The following KCNG3 variants were observed in gnomAD, a reference collection of about 807,000 sequenced individuals.
KCNG3 encodes the protein potassium voltage-gated channel modifier subfamily G member 3.
In KCNG3, 15 loss-of-function variants were observed where a neutral mutation model predicts 29.0. That is an observed-to-expected ratio of 0.52 (90% confidence interval 0.35 to 0.80). KCNG3 has a LOEUF of 0.80. KCNG3 is among the 30% of genes least tolerant of loss of function. KCNG3 has a pLI of 0.01. For missense variants in KCNG3, 512 were observed against 605.7 expected (o/e 0.85, Z 1.62); for synonymous variants, 322 against 248.9 (o/e 1.29, Z -2.76).
the KCNG3 span, among the ~76,000 whole-genome samples, chr2:42,423,780 G>A: frequency 2.7e-5 from 4 of 146,332 alleles, no homozygotes; most frequent in African/African-American, 7.7e-5. Flanking sequence ...CTAGAGCCTC[G>A]CACAGTCGGA....
chr2:42,480,051 C>G (rs892837616), intron 1 of KCNG3, among the ~76,000 whole-genome samples: 3 of 152,102 alleles, frequency 2.0e-5, no homozygotes, highest in Admixed American at 2.0e-4. Context: ...CAAAAACACA[C>G]ACAGATAGTA....
chr2:42,480,428 T>C (rs1339095484), intron 1 of KCNG3, among the ~76,000 whole-genome samples: 2 of 152,118 alleles, frequency 1.3e-5, no homozygotes, highest in African/African-American at 4.8e-5. Flanking sequence ...GGTTGGCAAA[T>C]GTTTCCTATA....
At position 42,444,850 on chromosome 2, in the gene KCNG3, C is replaced by T. The variant is rs1431617116; in HGVS notation, c.666-271G>A. 2.6e-5 allele frequency among the ~76,000 whole-genome samples: 4 copies of T among 151,478 alleles called. No homozygotes were observed. The highest frequency in any genetic ancestry group is 2.6e-4 in the Admixed American group (4 of 15,164). On this transcript the variant is annotated intron_variant, in intron 1 of 1. Coordinates refer to ENST00000306078, the MANE Select transcript of KCNG3 (RefSeq NM_133329.6). The surrounding 1 kb of genome is among the most constrained non-coding windows in gnomAD (Gnocchi z 5.8). ...GCTGAGGTGGGTGAATCGCTTGAGC[C>T]CAGGAGTTCGAGACCAACCTGGGCA...
chr2:42,477,348 T>C (rs1487013718), intron 1 of KCNG3, among the ~76,000 whole-genome samples: 1 of 150,048 alleles, frequency 6.7e-6, no homozygotes, highest in Non-Finnish European at 1.5e-5. Flanking sequence ...ATACTATATA[T>C]ATGTGTGTGT....
chr2:42,412,913 T>G, the KCNG3 span, among the ~76,000 whole-genome samples: 2 of 152,194 alleles, frequency 1.3e-5, no homozygotes, highest in East Asian at 3.8e-4. Context: ...GTCACATTTT[T>G]TAGAAATGTT....
At chr2:42,399,350 C>T in the KCNG3 span, among the ~76,000 whole-genome samples, 81 of 152,146 alleles carry the variant, frequency 5.3e-4, no homozygotes, top group Non-Finnish European at 9.3e-4. Context: ...TGAGCCACCG[C>T]GCCCGGCCTG....
At chr2:42,402,733 G>A in the KCNG3 span, among the ~76,000 whole-genome samples, 1 of 151,996 alleles carries the variant, frequency 6.6e-6, no homozygotes, top group Admixed American at 6.5e-5. Flanking sequence ...TCTGTTTTGG[G>A]GCTCTTTGTT....
intron 1 of KCNG3, among the ~76,000 whole-genome samples, chr2:42,454,505 A>C (rs1413029284): frequency 6.6e-6 from 1 of 152,198 alleles, no homozygotes; most frequent in Non-Finnish European, 1.5e-5. Context: ...TGAGGTAAGG[A>C]GTTAAAGACC....
intron 1 of KCNG3, among the ~76,000 whole-genome samples, chr2:42,490,645 G>A (rs1405272333): frequency 2.0e-5 from 3 of 152,180 alleles, no homozygotes; most frequent in Non-Finnish European, 4.4e-5. Context: ...AACACCAGCA[G>A]TGCCTTGAAC....
the KCNG3 span, among the ~76,000 whole-genome samples, chr2:42,425,262 G>C: frequency 6.6e-6 from 1 of 151,800 alleles, no homozygotes; most frequent in African/African-American, 2.4e-5. Context: ...TTAGCGGGGC[G>C]TGGTGGCGCG....
At chr2:42,475,516 C>G in intron 1 of KCNG3, among the ~76,000 whole-genome samples, 1 of 151,330 alleles carries the variant, frequency 6.6e-6, no homozygotes, top group Non-Finnish European at 1.5e-5. Context: ...TTTTTGTAGA[C>G]ACGGGATTTC....
chr2:42,417,944 C>T, the KCNG3 span, among the ~76,000 whole-genome samples: 4 of 151,378 alleles, frequency 2.6e-5, no homozygotes, highest in South Asian at 2.1e-4. Context: ...TGCACTCCAG[C>T]CTGGGTGACA....
At chr2:42,409,106 C>CCTTGCCATTCCATGTCTGA in the KCNG3 span, among the ~76,000 whole-genome samples, 1 of 152,156 alleles carries the variant, frequency 6.6e-6, no homozygotes, top group Non-Finnish European at 1.5e-5. Context: ...CTCACACACC[C>CCTTGCCATTCCATGTCTGA]CTTGCCATTC....
rs1444311512 is a variant in KCNG3, at chr2:42,466,143, C to T, written c.666-21564G>A. The stretch of plus-strand genomic sequence containing the variant: ...CAAATAGGCTAGGCACAATGGCTCA[C>T]ATCTGTAATCCCAACACCTTGAGAG... On this transcript the variant is annotated intron_variant, in intron 1 of 1. Coordinates refer to ENST00000306078, the MANE Select transcript of KCNG3 (RefSeq NM_133329.6). Among the ~76,000 whole-genome samples, 12 of 152,320 alleles carry T rather than the reference C, an allele frequency of 7.9e-5. No homozygotes were observed. In the South Asian group the frequency reaches 2.3e-3, roughly 29 times the overall value.
At chr2:42,410,614 A>G in the KCNG3 span, among the ~76,000 whole-genome samples, 1 of 152,120 alleles carries the variant, frequency 6.6e-6, no homozygotes, top group African/African-American at 2.4e-5. Context: ...TCTATGTAAA[A>G]CTGTTCATAT....
chr2:42,489,676 A>C (rs1165840717), intron 1 of KCNG3, among the ~76,000 whole-genome samples: 2 of 148,214 alleles, frequency 1.3e-5, no homozygotes, highest in African/African-American at 5.0e-5. Flanking sequence ...ATCCAATTTC[A>C]GCAGGCTAGG....
intron 1 of KCNG3, among the ~76,000 whole-genome samples, chr2:42,447,175 A>G (rs1210085764): frequency 6.6e-6 from 1 of 151,500 alleles, no homozygotes; most frequent in African/African-American, 2.4e-5. Flanking sequence ...GTCAACAAAT[A>G]TAATCACTTT....
chr2:42,451,407 A>G lies in KCNG3; in HGVS notation c.666-6828T>C, dbSNP rs185886746. On this transcript the variant is annotated intron_variant, in intron 1 of 1. Transcript: ENST00000306078. ...AGCCTGGGCAACAAAGCAAGACCCCATCTCTACTACAAATAATGTTTTAAA... is the reference window on the plus strand; with the variant it reads ...AGCCTGGGCAACAAAGCAAGACCCCGTCTCTACTACAAATAATGTTTTAAA... Among the ~76,000 whole-genome samples, 145 of 151,658 alleles carry G rather than the reference A, an allele frequency of 9.6e-4. 3 individuals are homozygous for G. In the East Asian group the frequency reaches 0.013, roughly 14 times the overall value.
chr2:42,414,288 G>C, the KCNG3 span, among the ~76,000 whole-genome samples: 1 of 152,124 alleles, frequency 6.6e-6, no homozygotes, highest in South Asian at 2.1e-4. Context: ...CCTTGTGTGT[G>C]TTAAAATATC....
Sources: allele counts gnomAD v4.1 joint callset (sites outside exome capture counted in the v4.1 genomes callset), GRCh38; gene constraint gnomAD v4.1.1; non-coding constraint Gnocchi (gnomAD v3.1); transcripts MANE v1.5; gene names NCBI Gene and HGNC (gene_info 2026-07-23, HGNC 2026-07-21).